SLIT3: variants seen among roughly 807,000 people sequenced by gnomAD.
SLIT3 encodes the protein slit homolog 3 protein.
SLIT3 carries 68 observed loss-of-function variants against 184.0 expected under a neutral mutation model. The ratio of observed to expected loss-of-function variants is 0.37; its 90% CI spans 0.30 to 0.45. The LOEUF (loss-of-function observed/expected upper bound fraction) is 0.45, where lower values mean the gene tolerates loss of function less well. SLIT3 is among the 20% of genes least tolerant of loss of function. The pLI is 1.00. For missense variants in SLIT3, 1,707 were observed against 2,026.0 expected (o/e 0.84, Z 3.02); for synonymous variants, 831 against 828.6 (o/e 1.00, Z -0.05).
In SLIT3 at chr5:169,244,736, C is replaced by T. The variant is rs368971636; in HGVS notation, c.310G>A (p.Ala104Thr). 69 of 1,613,952 alleles carry T rather than the reference C, an allele frequency of 4.3e-5. No individual in the cohort carries two copies. The highest frequency in any genetic ancestry group is 1.6e-4 in the African/African-American group (12 of 75,026). The change falls in exon 3 of 36, where the codon GCC (alanine) becomes ACC (threonine). Residue 104 changes from alanine (A) to threonine (T), a missense_variant. Ala to Thr is a moderately conservative substitution (Grantham distance 58). Around this residue, in one of 3 missense-constraint regions of SLIT3, gnomAD observed 1,307 missense variants for 1,511.6 expected, o/e 0.86. Transcript: ENST00000519560. ...DNQVSVIERGAFQDLKQLERL... is the reference protein window; with the variant it reads ...DNQVSVIERGTFQDLKQLERL... ...TCTAGCTGCTTCAGGTCCTGGAAGG[C>T]GCCTCTCTCGATGACGCTGACCTGG...
chr5:169,195,201 C>T (rs991158505), intron 3 of SLIT3, among the ~76,000 whole-genome samples: 4 of 152,186 alleles, frequency 2.6e-5, no homozygotes, highest in Admixed American at 6.5e-5. Context: ...CCTTCCCCTG[C>T]CACCAAGCAG....
intron 8 of SLIT3, among the ~76,000 whole-genome samples, chr5:168,807,614 G>C (rs1757014585): frequency 1.3e-5 from 2 of 152,134 alleles, no homozygotes; most frequent in South Asian, 4.1e-4. Context: ...TGTCCTCTCA[G>C]GGAAAAGAGC....
chr5:168,944,757 A>G (rs889350044), intron 4 of SLIT3, among the ~76,000 whole-genome samples: 5 of 152,134 alleles, frequency 3.3e-5, no homozygotes, highest in African/African-American at 9.7e-5. Context: ...TCCATTGTCT[A>G]TGGGTGAAAG....
At chr5:169,268,352 C>T (rs926273977) in intron 1 of SLIT3, among the ~76,000 whole-genome samples, 4 of 152,122 alleles carry the variant, frequency 2.6e-5, no homozygotes, top group African/African-American at 4.8e-5. Flanking sequence ...TCTGCAGGTT[C>T]GACCCAAGGA....
chr5:169,216,894 G>A (rs766484779), intron 3 of SLIT3, among the ~76,000 whole-genome samples: 5 of 152,108 alleles, frequency 3.3e-5, no homozygotes, highest in African/African-American at 7.2e-5. Flanking sequence ...GGGGAGATGC[G>A]TGGCTCGGAT....
intron 6 of SLIT3, among the ~76,000 whole-genome samples, chr5:168,841,471 G>A (rs760274186): frequency 6.6e-6 from 1 of 152,154 alleles, no homozygotes. Context: ...CCTGGAAAGG[G>A]GAGGGGATGG....
At chr5:168,884,745 T>C (rs1760127618) in intron 4 of SLIT3, among the ~76,000 whole-genome samples, 1 of 151,558 alleles carries the variant, frequency 6.6e-6, no homozygotes, top group Non-Finnish European at 1.5e-5. Flanking sequence ...GGGTCCCAAA[T>C]TGTTGGGTAG....
intron 5 of SLIT3, among the ~76,000 whole-genome samples, chr5:168,854,810 G>A (rs1294158496): frequency 2.0e-5 from 3 of 152,194 alleles, no homozygotes; most frequent in African/African-American, 7.2e-5. Context: ...GGCCATTAGC[G>A]AGGCATCACT....
intron 3 of SLIT3, among the ~76,000 whole-genome samples, chr5:169,238,219 C>A (rs943181178): frequency 3.9e-5 from 6 of 151,998 alleles, no homozygotes; most frequent in African/African-American, 1.4e-4. Context: ...TTGTTAAGTT[C>A]TTTTTTGAGT....
intron 21 of SLIT3, 87 bp downstream of exon 21, chr5:168,724,329 C>T: frequency 1.9e-6 from 2 of 1,054,584 alleles, no homozygotes; most frequent in Non-Finnish European, 2.8e-6. Context: ...CAGCCTGCAG[C>T]TCTGTTCTCT....
chr5:168,823,183 G>C lies in SLIT3; in HGVS notation c.629+77C>G, dbSNP rs539863499. 224 of 1,119,218 alleles carry C rather than the reference G, an allele frequency of 2.0e-4. 1 individual carries two copies. The South Asian group carries it at 2.6e-3, about 13-fold the overall frequency. The allele number at this position is 1,119,218 out of a possible 1,614,324, so 69.3% of individuals were successfully genotyped here. A position where few individuals can be genotyped will look rare whatever the true frequency, so the allele number is the denominator to read the frequency against. On this transcript the variant is annotated intron_variant, in intron 7 of 35. Transcript: ENST00000519560. Reference sequence around the variant, plus strand: ...TGCCTAGTCATAGCATGGTAGGTTTGACAAGCAGCGTAGAGTGCTGCACTT... The same window carrying C: ...TGCCTAGTCATAGCATGGTAGGTTTCACAAGCAGCGTAGAGTGCTGCACTT...
rs185863692 is a variant in SLIT3 at position 168,781,864 on chromosome 5, C to T, written c.1151+4043G>A. On this transcript the variant is annotated intron_variant, in intron 12 of 35. Transcript: ENST00000519560. ...AGGTTCCAATCCTGGCTCCATCATGCTAAGTGACAATGGTCAAGTCACTTA... is the reference window on the plus strand; with the variant it reads ...AGGTTCCAATCCTGGCTCCATCATGTTAAGTGACAATGGTCAAGTCACTTA... Among the ~76,000 whole-genome samples, 37 of 152,272 alleles carry T rather than the reference C, an allele frequency of 2.4e-4. No individual in the cohort carries two copies. In the East Asian group the frequency reaches 7.2e-3, roughly 29 times the overall value.
At position 168,776,876 on chromosome 5, in the gene SLIT3, A is replaced by G. The variant is rs1755769783; in HGVS notation, c.1152-2498T>C. ...ACACATGGTGAGTGTTTTGTTCTAA[A>G]CCTTGACATTCAGGGCCTTCTGAGT... On this transcript the variant is annotated intron_variant, in intron 12 of 35. Transcript: ENST00000519560. Among the ~76,000 whole-genome samples the G allele has an allele frequency of 2.0e-5, 3 of 151,998 alleles. 1 individual carries two copies. The South Asian group carries it at 6.3e-4, about 32-fold the overall frequency.
intron 7 of SLIT3, among the ~76,000 whole-genome samples, chr5:168,823,045 G>C (rs576601357): frequency 6.6e-6 from 1 of 152,148 alleles, no homozygotes; most frequent in Non-Finnish European, 1.5e-5. Flanking sequence ...GACGCAGAAC[G>C]GTGGTTCAGA....
At chr5:169,226,916 T>C (rs546542024) in intron 3 of SLIT3, among the ~76,000 whole-genome samples, 4 of 151,172 alleles carry the variant, frequency 2.6e-5, no homozygotes, top group African/African-American at 7.4e-5. Flanking sequence ...GATGCCTCAA[T>C]GAGATATATA....
chr5:169,222,024 C>G (rs970280069), intron 3 of SLIT3, among the ~76,000 whole-genome samples: 1 of 152,120 alleles, frequency 6.6e-6, no homozygotes, highest in Non-Finnish European at 1.5e-5. Context: ...AGTTAATGAC[C>G]AGGTGTTGTC....
intron 20 of SLIT3, among the ~76,000 whole-genome samples, chr5:168,726,377 A>AGC (rs1763111876): frequency 1.6e-5 from 1 of 63,950 alleles, no homozygotes; most frequent in Non-Finnish European, 3.4e-5. Flanking sequence ...GCAGGGAGGG[A>AGC]GAGGGAGGCA....
intron 30 of SLIT3, among the ~76,000 whole-genome samples, chr5:168,686,531 C>A (rs1761750012): frequency 6.6e-6 from 1 of 152,154 alleles, no homozygotes; most frequent in Non-Finnish European, 1.5e-5. Flanking sequence ...TCTAGAGTAG[C>A]CAAATTCATA....
At chr5:169,073,467 G>A (rs1035771969) in intron 4 of SLIT3, among the ~76,000 whole-genome samples, 4 of 151,844 alleles carry the variant, frequency 2.6e-5, no homozygotes, top group Non-Finnish European at 5.9e-5. Context: ...CATTCTCTGG[G>A]TCTTGGTGGG....
Sources: gnomAD v4.1 joint callset for allele counts (sites outside exome capture counted in the v4.1 genomes callset) on GRCh38, gnomAD v4.1.1 for gene constraint, gnomAD v4.1.1 regional missense constraint, MANE v1.5 for transcripts, NCBI Gene and HGNC (gene_info 2026-07-23, HGNC 2026-07-21) for gene names.